NUGGC: variants seen among roughly 807,000 people sequenced by gnomAD.
NUGGC encodes the protein nuclear GTPase SLIP-GC.
NUGGC carries 58 observed loss-of-function variants against 92.6 expected under a neutral mutation model. The observed-to-expected ratio is 0.63, with a 90% confidence interval of 0.51 to 0.78. The LOEUF is 0.78. NUGGC is among the 30% of genes least tolerant of loss of function. The probability of loss-of-function intolerance (pLI) is 0.00; values close to 1 mark genes in which losing one functional copy is unlikely to be tolerated. For synonymous variants in NUGGC, 376 were observed against 366.4 expected (o/e 1.03, Z -0.30); for missense variants, 925 against 964.6 (o/e 0.96, Z 0.54).
intron 10 of NUGGC, among the ~76,000 whole-genome samples, chr8:28,048,852 T>G (rs1809912007): frequency 8.6e-6 from 1 of 116,610 alleles, no homozygotes; most frequent in Non-Finnish European, 1.7e-5. Flanking sequence ...GACAGAGAGA[T>G]TCCATCTCAA....
intron 2 of NUGGC, among the ~76,000 whole-genome samples, chr8:28,072,989 A>G (rs1229355170): frequency 6.8e-6 from 1 of 145,990 alleles, no homozygotes; most frequent in Non-Finnish European, 1.5e-5. Context: ...ATGCGGTTTC[A>G]TTGTTGACTG....
intron 7 of NUGGC, 76 bp from the exon 8 acceptor site, chr8:28,060,677 C>A: frequency 7.4e-7 from 1 of 1,352,032 alleles, no homozygotes; most frequent in Non-Finnish European, 1.0e-6. Flanking sequence ...CCTAATGTAT[C>A]CCTTAAGCCT....
At chr8:28,032,506 A>G (rs985009797) in intron 14 of NUGGC, among the ~76,000 whole-genome samples, 2 of 151,788 alleles carry the variant, frequency 1.3e-5, no homozygotes, top group Non-Finnish European at 2.9e-5. Flanking sequence ...TCACAAGGTC[A>G]GGAGATCAAG....
chr8:28,051,252 T>G (rs547546061), intron 10 of NUGGC, among the ~76,000 whole-genome samples: 1 of 152,310 alleles, frequency 6.6e-6, no homozygotes, highest in East Asian at 1.9e-4. Flanking sequence ...ACAGCAAGAA[T>G]GTTTTTTAAA....
At chr8:28,082,787 T>G (rs1810882665) in intron 1 of NUGGC, among the ~76,000 whole-genome samples, 1 of 151,952 alleles carries the variant, frequency 6.6e-6, no homozygotes, top group Non-Finnish European at 1.5e-5. Flanking sequence ...GTATCTGTAG[T>G]CCCAGTTATT....
rs146797104 is a variant in NUGGC at position 28,039,644 on chromosome 8, A to G, written c.1611+1407T>C. 2.0e-5 allele frequency among the ~76,000 whole-genome samples: 3 copies of G among 152,306 alleles called. No homozygotes were observed. In the East Asian group the frequency reaches 5.8e-4, roughly 29 times the overall value. ...GGTGCACATAGAAAAGCCTCCAGGA[A>G]GCCAACCACCCCATCACACTCACCT... On this transcript the variant is annotated intron_variant, in intron 13 of 18. Coordinates refer to ENST00000413272, the MANE Select transcript of NUGGC (RefSeq NM_001010906.2).
At chr8:28,040,588 T>C (rs1809667987) in intron 13 of NUGGC, among the ~76,000 whole-genome samples, 1 of 152,116 alleles carries the variant, frequency 6.6e-6, no homozygotes, top group Non-Finnish European at 1.5e-5. Context: ...ACAACTGTTA[T>C]GTGCAATTTT....
chr8:28,033,563 G>T lies in NUGGC; in HGVS notation c.1746C>A (p.Asp582Glu). Residue 582 changes from aspartate to glutamate, a missense_variant, in exon 14 of 19, where the codon GAC becomes GAA. Transcript: ENST00000413272. ...ACCTAAAAATGCTTCCAAAAACAGG[G>T]TCGATCTGGTCATAGACGGGCTGAG... ...ALTQPVYDQIDPVFGSIFRTG... is the reference protein window; with the variant it reads ...ALTQPVYDQIEPVFGSIFRTG... 6.2e-7 allele frequency: 1 copy of T among 1,613,798 alleles called. No individual in the cohort carries two copies. Among genetic ancestry groups the T allele is most frequent in the South Asian group, 1.1e-5 (1 of 90,960 alleles).
chr8:28,024,639 G>A (rs1015361062), intron 18 of NUGGC, among the ~76,000 whole-genome samples: 7 of 152,128 alleles, frequency 4.6e-5, no homozygotes, highest in African/African-American at 1.7e-4. Flanking sequence ...ATCCCCCTTG[G>A]CTTTCTGTGC....
chr8:28,025,151 G>T (rs543685432), intron 18 of NUGGC, among the ~76,000 whole-genome samples: 28 of 152,314 alleles, frequency 1.8e-4, no homozygotes, highest in Admixed American at 7.2e-4. Context: ...CCAGAACACT[G>T]CCTGGCACCC....
intron 10 of NUGGC, among the ~76,000 whole-genome samples, chr8:28,053,928 C>CT (rs1347835507): frequency 6.6e-6 from 1 of 152,100 alleles, no homozygotes; most frequent in Non-Finnish European, 1.5e-5. Context: ...TGATATTGCG[C>CT]TAGAAACAAA....
intron 7 of NUGGC, among the ~76,000 whole-genome samples, chr8:28,062,264 G>T (rs531636559): frequency 2.8e-4 from 43 of 152,240 alleles, no homozygotes; most frequent in Non-Finnish European, 5.0e-4. Flanking sequence ...TTTGATTTAG[G>T]CAAGAAAATA....
At position 28,047,519 on chromosome 8, in the gene NUGGC, C is replaced by A; in HGVS notation, c.1300G>T (p.Glu434Ter). 3 of 1,552,846 alleles carry A rather than the reference C, an allele frequency of 1.9e-6. No individual in the cohort carries two copies. The highest frequency in any genetic ancestry group is 1.4e-5 in the African/African-American group (1 of 73,506). ...AAACATAAATTACCCGTTTCCTCCTCGGTGAGGAGAGCCTGCTGCCAGTAC... is the reference window on the plus strand; with the variant it reads ...AAACATAAATTACCCGTTTCCTCCTAGGTGAGGAGAGCCTGCTGCCAGTAC... Reference protein sequence around the residue: ...QEYWQQALLTEEETEIPKLRE... With the variant: ...QEYWQQALLT The change falls in exon 11 of 19, where the codon GAG becomes TAG. Residue 434 changes from glutamate to a stop codon, truncating the protein, a stop_gained. Transcript: ENST00000413272. LOFTEE classifies it high-confidence loss of function.
intron 13 of NUGGC, among the ~76,000 whole-genome samples, chr8:28,037,568 C>T (rs1325433935): frequency 6.6e-6 from 1 of 152,196 alleles, no homozygotes; most frequent in Non-Finnish European, 1.5e-5. Flanking sequence ...CTCCCTAGTC[C>T]TTCTCTTCTG....
At chr8:28,038,001 A>T (rs2130109775) in intron 13 of NUGGC, among the ~76,000 whole-genome samples, 1 of 152,324 alleles carries the variant, frequency 6.6e-6, no homozygotes, top group Non-Finnish European at 1.5e-5. Flanking sequence ...ATGTGAGTGC[A>T]AGAACAGCTG....
intron 7 of NUGGC, among the ~76,000 whole-genome samples, chr8:28,063,688 G>T (rs188191654): frequency 1.3e-5 from 2 of 152,272 alleles, no homozygotes; most frequent in Non-Finnish European, 2.9e-5. Context: ...GTACAATCAG[G>T]GCAGAGGCTA....
At chr8:28,030,445 T>C in intron 15 of NUGGC, 27 bp from the exon 16 acceptor site, 2 of 1,242,880 alleles carry the variant, frequency 1.6e-6, no homozygotes, top group Non-Finnish European at 2.3e-6. Context: ...AAAGAGGCCG[T>C]TGGTGACAAT....
intron 14 of NUGGC, 148 bp downstream of exon 14, chr8:28,033,392 G>C: frequency 1.4e-6 from 1 of 719,452 alleles, no homozygotes. Context: ...AACCAAGAAG[G>C]CTTTTGTGTT....
In NUGGC at chr8:28,027,969, G is replaced by A. The variant is rs115340738; in HGVS notation, c.2155-917C>T. ...ATTGCGAAGAGGTAATTTAAAAAAA[G>A]TAAATCTTCAAACATTATGTATAAA... On this transcript the variant is annotated intron_variant, in intron 17 of 18. Coordinates refer to ENST00000413272, the MANE Select transcript of NUGGC (RefSeq NM_001010906.2). Among the ~76,000 whole-genome samples the A allele has an allele frequency of 7.9e-3, 1,192 of 151,510 alleles. 20 individuals are homozygous for A. The highest frequency in any genetic ancestry group is 0.027 in the African/African-American group (1,133 of 41,282).
Sources: gnomAD v4.1 joint callset for allele counts (sites outside exome capture counted in the v4.1 genomes callset) on GRCh38, gnomAD v4.1.1 for gene constraint, MANE v1.5 for transcripts, NCBI Gene and HGNC (gene_info 2026-07-23, HGNC 2026-07-21) for gene names.